The following SIGLEC10 variants were observed in gnomAD, a reference collection of about 807,000 sequenced individuals.
SIGLEC10 encodes sialic acid-binding Ig-like lectin 10.
Under a neutral mutation model 68.3 loss-of-function variants are expected in SIGLEC10, and 45 were observed. That is an observed-to-expected ratio of 0.66 (90% confidence interval 0.52 to 0.84). The LOEUF (loss-of-function observed/expected upper bound fraction) is 0.84, where lower values mean the gene tolerates loss of function less well. Ranked by LOEUF, SIGLEC10 falls within the 40% of genes least tolerant of loss-of-function variation. The pLI, the probability that SIGLEC10 is intolerant of heterozygous loss-of-function variation, is 0.00. For missense variants in SIGLEC10, 789 were observed against 883.1 expected, an observed-to-expected ratio of 0.89 and a Z score of 1.35; for synonymous variants, 379 against 370.8, an observed-to-expected ratio of 1.02 and a Z score of -0.26.
rs1187313464 is a variant in SIGLEC10, at chr19:51,417,625, T to TAGA, written c.-45_-44insTCT. 1 of 1,612,652 alleles carries TAGA rather than the reference T, an allele frequency of 6.2e-7. No homozygotes were observed. Among genetic ancestry groups the TAGA allele is most frequent in the African/African-American group, 1.3e-5 (1 of 74,910 alleles). ...GGGCCTGCCTGAGACAGGCCTGTTC[T>TAGA]CTGGTCGTGCTGTGAGTGGCTCAGG... is the stretch of plus-strand genomic sequence containing the variant. On this transcript the variant is annotated 5_prime_UTR_variant, in exon 1 of 11. Coordinates refer to ENST00000339313, the MANE Select transcript of SIGLEC10 (RefSeq NM_033130.5).
chr19:51,411,105 G>T lies in SIGLEC10; in HGVS notation c.2088C>A (p.Phe696Leu), dbSNP rs1424660325. The part of the protein sequence containing the change: ...GTQADYAEVK[F>L]Q ...CCTAAAGCCTAAGAGACCCTCATTG[G>T]AACTTGACTTCTGCATAATCCGCCT... is the stretch of plus-strand genomic sequence containing the variant. The change falls in exon 11 of 11, where the codon TTC (phenylalanine) becomes TTA (leucine). Residue 696 changes from phenylalanine to leucine, a missense_variant. Transcript: ENST00000339313. 1.2e-6 allele frequency: 2 copies of T among 1,612,916 alleles called. No homozygotes were observed. Among genetic ancestry groups the T allele is most frequent in the Non-Finnish European group, 1.7e-6 (2 of 1,179,242 alleles).
rs1480505686 is a variant in SIGLEC10 at position 51,415,448 on chromosome 19, GA to G, written c.1073-11del. The G allele has an allele frequency of 1.2e-6, 2 of 1,607,704 alleles. No homozygotes were observed. Among genetic ancestry groups the G allele is most frequent in the African/African-American group, 2.7e-5 (2 of 74,674 alleles). On this transcript the variant is annotated splice_polypyrimidine_tract_variant and intron_variant, in intron 6 of 10. Coordinates refer to ENST00000339313, the MANE Select transcript of SIGLEC10 (RefSeq NM_033130.5). ...CCAAGGTTTTCCAGGACTAGGGAAG[GA>G]AGAGGCAGAATCGATGAGCAGCTCA... is the stretch of plus-strand genomic sequence containing the variant.
chr19:51,417,320 G>T lies in SIGLEC10; in HGVS notation c.183C>A (p.Phe61Leu). Residue 61 changes from phenylalanine (F) to leucine (L), a missense_variant, in exon 2 of 11, where the codon TTC (phenylalanine) becomes TTA (leucine). Transcript: ENST00000339313. ...CCTTGGTTGTCTCAGTCACTGCTTT[G>T]AACCAGTAGCCATAAGCTGGGGTAG... ...TGSTPAYGYW[F>L]KAVTETTKGA... is the part of the protein sequence containing the mutation. 10 of 1,614,194 alleles carry T rather than the reference G, an allele frequency of 6.2e-6. No homozygotes were observed. The highest frequency in any genetic ancestry group is 7.6e-6 in the Non-Finnish European group (9 of 1,180,034).
Position 51,414,077 on chromosome 19 carries a change from A to G in SIGLEC10, c.1710-254T>C, listed in dbSNP as rs755788987. ...AGCCAGGGCAGCTGTCTGAGCCTCTACAGCCCTTTGTATTTATTGGGTAGA... is the reference window on the plus strand; with the variant it reads ...AGCCAGGGCAGCTGTCTGAGCCTCTGCAGCCCTTTGTATTTATTGGGTAGA... On this transcript the variant is annotated intron_variant, in intron 9 of 10. Transcript: ENST00000339313. The surrounding 1 kb of genome is among the most constrained non-coding windows in gnomAD (Gnocchi z 4.1). Among the ~76,000 whole-genome samples, 9 of 152,226 alleles carry G rather than the reference A, an allele frequency of 5.9e-5. No individual in the cohort carries two copies. Among genetic ancestry groups the G allele is most frequent in the Non-Finnish European group, 1.2e-4 (8 of 68,038 alleles).
In SIGLEC10 at chr19:51,416,681, G is replaced by C. The variant is rs779337135; in HGVS notation, c.691C>G (p.Arg231Gly). ...CCACACTCACAGGCCACACGGAGTC[G>C]GACGGTCCTCTGTGCGCTCACACCC... ...RKGVSAQRTVRLRVAYAPRDL... is the reference protein window; with the variant it reads ...RKGVSAQRTVGLRVAYAPRDL... The change falls in exon 3 of 11, where the codon CGA becomes GGA. Residue 231 changes from arginine to glycine, a missense_variant. By Grantham distance (125) the Arg-to-Gly change is moderately radical. Coordinates refer to ENST00000339313, the MANE Select transcript of SIGLEC10 (RefSeq NM_033130.5). 1.9e-6 allele frequency: 3 copies of C among 1,613,616 alleles called. No individual in the cohort carries two copies. The highest frequency in any genetic ancestry group is 2.5e-6 in the Non-Finnish European group (3 of 1,179,982).
Position 51,411,228 on chromosome 19 carries a change from G to T in SIGLEC10, c.1965C>A (p.Ala655=). Residue 655 remains alanine, a synonymous_variant, in exon 11 of 11, where the codon GCC becomes GCA. Transcript: ENST00000339313. Reference sequence around the variant, plus strand: ...CCTCTTGGCTCTCCTGGGATTCTGGGGCTTGAGTGGATGATTTGGGTTCTG... The same window carrying T: ...CCTCTTGGCTCTCCTGGGATTCTGGTGCTTGAGTGGATGATTTGGGTTCTG... ...SFPEPKSSTQ[A]PESQESQEEL... 1 of 1,614,134 alleles carries T rather than the reference G, an allele frequency of 6.2e-7. No individual in the cohort carries two copies. The highest frequency in any genetic ancestry group is 8.5e-7 in the Non-Finnish European group (1 of 1,180,040).
Position 51,416,529 on chromosome 19 carries a change from G to T in SIGLEC10, c.706+137C>A, listed in dbSNP as rs748720482. The T allele has an allele frequency of 3.2e-6, 5 of 1,570,122 alleles. No homozygotes were observed. In the East Asian group the frequency reaches 9.3e-5, roughly 29 times the overall value. ...ATTCCCATCCCCCTCCCAGGGCTGC[G>T]GCGGCATCCTGGGACCCCACAGCTT... On this transcript the variant is annotated intron_variant, in intron 3 of 10. Coordinates refer to ENST00000339313, the MANE Select transcript of SIGLEC10 (RefSeq NM_033130.5).
intron 9 of SIGLEC10, 91 bp from the exon 10 acceptor site, chr19:51,413,914 T>C: frequency 1.1e-6 from 1 of 925,734 alleles, no homozygotes; most frequent in Non-Finnish European, 1.8e-6. Flanking sequence ...CTATGACAGT[T>C]ACTACTGTTA....
intron 7 of SIGLEC10, 29 bp downstream of exon 7, chr19:51,415,152 G>T: frequency 6.3e-7 from 1 of 1,581,044 alleles, no homozygotes; most frequent in South Asian, 1.2e-5. Context: ...CCCTTCCTGG[G>T]ACCCAGGTGT....
chr19:51,416,219 AGG>A (rs1180231502), intron 4 of SIGLEC10, 52 bp from the exon 5 acceptor site: 1 of 1,607,544 alleles, frequency 6.2e-7, no homozygotes, highest in Non-Finnish European at 8.5e-7. Flanking sequence ...GAAAGAGAGA[AGG>A]GGTACAGGGA....
chr19:51,410,994 G>GAGAGAGAA lies in SIGLEC10; in HGVS notation c.*104_*105insTTCTCTCT. 4.9e-6 allele frequency: 4 copies of GAGAGAGAA among 824,414 alleles called. No individual in the cohort carries two copies. In the South Asian group the frequency reaches 9.1e-5, roughly 19 times the overall value. 51.1% of individuals were successfully genotyped at this position (824,414 alleles called of 1,614,324 possible). A position where few individuals can be genotyped will look rare whatever the true frequency, so the allele number is the denominator to read the frequency against. On this transcript the variant is annotated 3_prime_UTR_variant, in exon 11 of 11. Transcript: ENST00000339313. ...AGAGAAAGAGAGAGAGAGAGAGAAA[G>GAGAGAGAA]AGAGAGAGAGAGGGAGAGAAGGAAA...
chr19:51,412,001 G>A (rs1022273143), intron 10 of SIGLEC10, among the ~76,000 whole-genome samples: 2 of 151,752 alleles, frequency 1.3e-5, no homozygotes, highest in African/African-American at 2.4e-5. Context: ...AAATTAGGGG[G>A]GCATGGTGGT....
rs146109461 is a variant in SIGLEC10, at chr19:51,414,198, A to C, written c.1709+224T>G. On this transcript the variant is annotated intron_variant, in intron 9 of 10. Coordinates refer to ENST00000339313, the MANE Select transcript of SIGLEC10 (RefSeq NM_033130.5). This position sits in a 1 kb window ranked among gnomAD's most constrained non-coding sequence, Gnocchi z 4.1. ...AGCTTCAGCTGTGCCTAATTACAAG[A>C]AACACTTCGCTTGGGGCGTGACTGC... is the stretch of plus-strand genomic sequence containing the variant. The C allele has an allele frequency of 4.9e-4, 285 of 584,718 alleles. No individual in the cohort carries two copies. Among genetic ancestry groups the C allele is most frequent in the Non-Finnish European group, 6.6e-4 (216 of 327,972 alleles). 36.2% of individuals were successfully genotyped at this position (584,718 alleles called of 1,614,324 possible). A position where few individuals can be genotyped will look rare whatever the true frequency, so the allele number is the denominator to read the frequency against.
Position 51,415,915 on chromosome 19 carries a change from A to G in SIGLEC10, c.1007T>C (p.Leu336Pro). Residue 336 changes from leucine (L) to proline (P), a missense_variant, in exon 5 of 11, where the codon CTG (leucine) becomes CCG (proline). Transcript: ENST00000339313. ...ENRLGSQQRA[L>P]DLSVQYPPEN... ...ACACTCACACTGCACAGAGAGGTCC[A>G]GGGCTCGCTGCTGGGAGCCAAGCCT... The G allele has an allele frequency of 6.2e-7, 1 of 1,613,108 alleles. No individual in the cohort carries two copies. The highest frequency in any genetic ancestry group is 2.2e-5 in the East Asian group (1 of 44,854).
Position 51,410,982 on chromosome 19 carries a change from GAGAGAGAGAA to G in SIGLEC10, c.*107_*116del. ...TTTTTAAAAGAGAGAGAAAGAGAGA[GAGAGAGAGAA>G]AGAGAGAGAGAGAGGGAGAGAAGGA... On this transcript the variant is annotated 3_prime_UTR_variant, in exon 11 of 11. Coordinates refer to ENST00000339313, the MANE Select transcript of SIGLEC10 (RefSeq NM_033130.5). 1 of 1,208,912 alleles carries G rather than the reference GAGAGAGAGAA, an allele frequency of 8.3e-7. No individual in the cohort carries two copies. The highest frequency in any genetic ancestry group is 1.2e-6 in the Non-Finnish European group (1 of 863,952). 74.9% of individuals were successfully genotyped at this position (1,208,912 alleles called of 1,614,324 possible). A position where few individuals can be genotyped will look rare whatever the true frequency, so the allele number is the denominator to read the frequency against.
intron 4 of SIGLEC10, 25 bp from the exon 5 acceptor site, chr19:51,416,192 AG>A: frequency 2.5e-6 from 4 of 1,594,824 alleles, no homozygotes; most frequent in Admixed American, 3.7e-5. Context: ...AAAAAAAAAA[AG>A]AGAGAAAGGG....
rs192279649 is a variant in SIGLEC10 at position 51,412,610 on chromosome 19, G to A, written c.1821+1102C>T. Among the ~76,000 whole-genome samples, 437 of 151,904 alleles carry A rather than the reference G, an allele frequency of 2.9e-3. 3 individuals carry two copies. Among genetic ancestry groups the A allele is most frequent in the African/African-American group, 9.9e-3 (409 of 41,426 alleles). ...CTGCCTCAGCCTCCCGAGTAGCTGT[G>A]ATTACAGGCACCCATCACCATGCCC... On this transcript the variant is annotated intron_variant, in intron 10 of 10. Transcript: ENST00000339313.
At chr19:51,415,678 C>G (rs899836751) in intron 5 of SIGLEC10, 63 bp from the exon 6 acceptor site, 29 of 1,611,574 alleles carry the variant, frequency 1.8e-5, no homozygotes, top group Middle Eastern at 1.7e-4. Flanking sequence ...GTAAAGGGAA[C>G]CATCCTGGAC....
In SIGLEC10 at chr19:51,414,128, T is replaced by C. The variant is rs1034264758; in HGVS notation, c.1709+294A>G. On this transcript the variant is annotated intron_variant, in intron 9 of 10. Transcript: ENST00000339313. This position sits in a 1 kb window ranked among gnomAD's most constrained non-coding sequence, Gnocchi z 4.1. ...AAGAGCAGAGAGCAGGAGGTAACAATTGGTCAGCTGTTTAATTGATCACAG... is the reference window on the plus strand; with the variant it reads ...AAGAGCAGAGAGCAGGAGGTAACAACTGGTCAGCTGTTTAATTGATCACAG... Among the ~76,000 whole-genome samples the C allele has an allele frequency of 2.6e-5, 4 of 152,156 alleles. No homozygotes were observed. Among genetic ancestry groups the C allele is most frequent in the South Asian group, 2.1e-4 (1 of 4,834 alleles).
Sources: gnomAD v4.1 joint callset for allele counts (sites outside exome capture counted in the v4.1 genomes callset) on GRCh38, gnomAD v4.1.1 for gene constraint, Gnocchi (gnomAD v3.1) non-coding constraint, MANE v1.5 for transcripts, NCBI Gene and HGNC (gene_info 2026-07-23, HGNC 2026-07-21) for gene names.